Variants in KLF8 observed in about 807,000 individuals in gnomAD.
KLF8 encodes the protein KLF transcription factor 8.
A neutral mutation model predicts 18.2 loss-of-function variants in KLF8; 10 were observed. The observed-to-expected ratio is 0.55, with a 90% CI of 0.34 to 0.93. The LOEUF (loss-of-function observed/expected upper bound fraction) is 0.93. Among genes scored for constraint, KLF8 ranks in the 40% least tolerant of loss-of-function variants. KLF8 has a pLI of 0.02. For synonymous variants in KLF8, 109 were observed against 97.3 expected, an observed-to-expected ratio of 1.12 and a Z score of -0.71; for missense variants, 264 against 277.9, an observed-to-expected ratio of 0.95 and a Z score of 0.36.
the KLF8 span, among the ~76,000 whole-genome samples, chrX:55,954,696 A>C: frequency 8.9e-6 from 1 of 112,248 alleles, no homozygotes; most frequent in Admixed American, 9.5e-5. Context: ...TCTACTAAAG[A>C]GAAATGAAAA....
the KLF8 span, among the ~76,000 whole-genome samples, chrX:56,013,537 C>CA: frequency 9.0e-6 from 1 of 111,527 alleles, no homozygotes; most frequent in East Asian, 2.8e-4. Flanking sequence ...TTGTCCCTAC[C>CA]AAAATCTCAT....
the KLF8 span, among the ~76,000 whole-genome samples, chrX:55,971,447 A>T: frequency 9.0e-6 from 1 of 111,208 alleles, no homozygotes; most frequent in East Asian, 2.8e-4. Context: ...AAGACCTCAA[A>T]CTATGAAACT....
At chrX:56,007,841 G>A in the KLF8 span, among the ~76,000 whole-genome samples, 1 of 111,314 alleles carries the variant, frequency 9.0e-6, no homozygotes, top group African/African-American at 3.3e-5. Context: ...TCTTAGCTAA[G>A]GGATGCTGGG....
chrX:55,990,034 G>T, the KLF8 span, among the ~76,000 whole-genome samples: 2 of 111,255 alleles, frequency 1.8e-5, no homozygotes, highest in East Asian at 5.6e-4. Context: ...GTATTTCTGT[G>T]GGATCGGTGG....
chrX:56,265,928 A>C (rs1569186492), intron 3 of KLF8, 184 bp downstream of exon 3: 18 of 1,016,960 alleles, frequency 1.8e-5, no homozygotes, highest in Non-Finnish European at 2.1e-5. Flanking sequence ...TCTTGATTAG[A>C]CCATGCTTCT....
chrX:55,981,330 TG>T, the KLF8 span, among the ~76,000 whole-genome samples: 58 of 112,529 alleles, frequency 5.2e-4, no homozygotes, highest in African/African-American at 1.8e-3. Context: ...GGTCACAGTT[TG>T]TGAACTGAAG....
At chrX:55,913,958 A>C in the KLF8 span, among the ~76,000 whole-genome samples, 3 of 111,787 alleles carry the variant, frequency 2.7e-5, no homozygotes, top group Non-Finnish European at 5.7e-5. Flanking sequence ...GGAAATAGCT[A>C]AGTTTCAAAG....
the KLF8 span, among the ~76,000 whole-genome samples, chrX:55,985,674 A>G: frequency 1.8e-5 from 2 of 109,835 alleles, no homozygotes; most frequent in Non-Finnish European, 1.9e-5. Context: ...AAAAATGTCA[A>G]TGGTAGTATA....
chrX:56,173,655 T>A, the KLF8 span, among the ~76,000 whole-genome samples: 1 of 112,087 alleles, frequency 8.9e-6, no homozygotes, highest in Non-Finnish European at 1.9e-5. Flanking sequence ...GGTAGCTTGA[T>A]GGGGATAGCA....
At chrX:56,094,827 T>A in the KLF8 span, among the ~76,000 whole-genome samples, 1 of 110,619 alleles carries the variant, frequency 9.0e-6, no homozygotes, top group Non-Finnish European at 1.9e-5. Flanking sequence ...CACGTAGAGG[T>A]AAAATCCACT....
chrX:56,170,831 G>A, the KLF8 span, among the ~76,000 whole-genome samples: 3 of 111,280 alleles, frequency 2.7e-5, no homozygotes, highest in African/African-American at 3.3e-5. Flanking sequence ...AGTACAAATA[G>A]GCTATAGAAC....
chrX:56,091,357 C>T, the KLF8 span, among the ~76,000 whole-genome samples: 28 of 110,919 alleles, frequency 2.5e-4, no homozygotes, highest in Non-Finnish European at 4.9e-4. Context: ...TTCCTGAGGC[C>T]TCCCCAGCCG....
chrX:56,270,384 G>A, intron 5 of KLF8, 63 bp downstream of exon 5: 2 of 595,525 alleles, frequency 3.4e-6, no homozygotes, highest in Non-Finnish European at 4.6e-6. Context: ...ACACACACGA[G>A]AGAGAGAGAG....
At chrX:56,007,723 A>G in the KLF8 span, among the ~76,000 whole-genome samples, 1 of 111,625 alleles carries the variant, frequency 9.0e-6, no homozygotes, top group African/African-American at 3.3e-5. Flanking sequence ...TCTTTGAAAA[A>G]AACGTTTTCA....
At chrX:56,116,012 A>G in the KLF8 span, among the ~76,000 whole-genome samples, 1 of 112,903 alleles carries the variant, frequency 8.9e-6, no homozygotes, top group Non-Finnish European at 1.9e-5. Flanking sequence ...TTAAATATGA[A>G]TTCATCTAAC....
At chrX:56,109,732 G>T in the KLF8 span, among the ~76,000 whole-genome samples, 1 of 106,465 alleles carries the variant, frequency 9.4e-6, no homozygotes, top group African/African-American at 3.4e-5. Context: ...AATACAAAAT[G>T]ACCTTCTTTG....
chrX:56,272,263 T>G (rs2067066996), intron 5 of KLF8, among the ~76,000 whole-genome samples: 1 of 110,891 alleles, frequency 9.0e-6, no homozygotes, highest in Non-Finnish European at 1.9e-5. Flanking sequence ...GGCTGGAGTT[T>G]AGCCTGGCGT....
chrX:56,201,417 A>G, the KLF8 span, among the ~76,000 whole-genome samples: 10 of 111,691 alleles, frequency 9.0e-5, no homozygotes, highest in African/African-American at 3.2e-4. Flanking sequence ...AGGCAAACTC[A>G]TACACACAAA....
the KLF8 span, among the ~76,000 whole-genome samples, chrX:56,169,488 G>T: frequency 9.0e-6 from 1 of 110,662 alleles, no homozygotes; most frequent in African/African-American, 3.3e-5. Flanking sequence ...CCTGAAAGGT[G>T]TGTCTCAGCA....
Sources: allele counts gnomAD v4.1 joint callset (sites outside exome capture counted in the v4.1 genomes callset), GRCh38; gene constraint gnomAD v4.1.1; transcripts MANE v1.5; gene names NCBI Gene and HGNC (gene_info 2026-07-23, HGNC 2026-07-21).